Variants in LRRC7 observed in about 807,000 individuals in gnomAD.
LRRC7 encodes leucine-rich repeat-containing protein 7.
A neutral mutation model predicts 175.7 loss-of-function variants in LRRC7; 23 were observed. The observed-to-expected ratio is 0.13, with a 90% CI of 0.09 to 0.19. The LOEUF (loss-of-function observed/expected upper bound fraction) is 0.19, where lower values mean the gene tolerates loss of function less well. Ranked by LOEUF, LRRC7 falls within the 10% of genes least tolerant of loss-of-function variation. LRRC7 has a pLI of 1.00. For synonymous variants in LRRC7, 685 were observed against 680.9 expected, an observed-to-expected ratio of 1.01 and a Z score of -0.09; for missense variants, 1,354 against 1,904.7, an observed-to-expected ratio of 0.71 and a Z score of 5.38.
intron 13 of LRRC7, among the ~76,000 whole-genome samples, chr1:70,014,689 T>G (rs1401431677): frequency 1.3e-5 from 2 of 152,050 alleles, no homozygotes; most frequent in Admixed American, 1.3e-4. Context: ...AAGTAATGAT[T>G]ATTATAATTT....
chr1:69,897,908 C>T (rs1646025240), intron 7 of LRRC7, among the ~76,000 whole-genome samples: 1 of 152,164 alleles, frequency 6.6e-6, no homozygotes, highest in African/African-American at 2.4e-5. Context: ...TTCTATATTA[C>T]TTGCATTTTG....
chr1:70,114,818 A>G (rs183554826), intron 26 of LRRC7, among the ~76,000 whole-genome samples: 218 of 152,352 alleles, frequency 1.4e-3, no homozygotes, highest in Non-Finnish European at 2.3e-3. Flanking sequence ...ATGCTTTTTG[A>G]AAATCAAAAA....
chr1:70,031,823 G>A (rs1658761595), intron 18 of LRRC7, among the ~76,000 whole-genome samples: 2 of 149,302 alleles, frequency 1.3e-5, no homozygotes, highest in African/African-American at 5.0e-5. Flanking sequence ...CTTTTGAGAC[G>A]GAGTCTCGCT....
At position 69,633,727 on chromosome 1, in the gene LRRC7, C is replaced by A. The variant is rs540579166; in HGVS notation, c.3-44654C>A. Among the ~76,000 whole-genome samples the A allele has an allele frequency of 5.0e-3, 763 of 152,206 alleles. 10 individuals carry two copies. Among genetic ancestry groups the A allele is most frequent in the African/African-American group, 0.017 (705 of 41,544 alleles). On this transcript the variant is annotated intron_variant, in intron 1 of 26. Transcript: ENST00000651989. ...TACAGGCATGAGCCACCGTGCCCAG[C>A]CAAACATACTTTTAAAAGGTTATAT...
chr1:70,007,395 A>C (rs528821534), intron 11 of LRRC7, among the ~76,000 whole-genome samples: 1 of 152,362 alleles, frequency 6.6e-6, no homozygotes, highest in East Asian at 1.9e-4. Context: ...AACAGTCTTA[A>C]TAATCAATGG....
At chr1:69,871,189 A>G (rs1212459341) in intron 7 of LRRC7, among the ~76,000 whole-genome samples, 1 of 152,104 alleles carries the variant, frequency 6.6e-6, no homozygotes, top group Non-Finnish European at 1.5e-5. Flanking sequence ...AAAATGATGT[A>G]TACGTATGCC....
At chr1:69,575,178 G>A (rs967782805) in intron 1 of LRRC7, among the ~76,000 whole-genome samples, 16 of 152,166 alleles carry the variant, frequency 1.1e-4, no homozygotes, top group East Asian at 9.7e-4. Context: ...CTTGCTGAGG[G>A]TCATCCAACT....
chr1:70,142,753 T>TAAG lies in LRRC7; in HGVS notation c.*20869_*20871dup, dbSNP rs1553210482. 5 of 152,242 alleles carry TAAG rather than the reference T, an allele frequency of 3.3e-5. No individual in the cohort carries two copies. The highest frequency in any genetic ancestry group is 4.8e-5 in the African/African-American group (2 of 41,590). 9.4% of individuals were successfully genotyped at this position (152,242 alleles called of 1,614,324 possible). On this transcript the variant is annotated 3_prime_UTR_variant, in exon 27 of 27. Coordinates refer to ENST00000651989, the MANE Select transcript of LRRC7 (RefSeq NM_001370785.2). ...AAGGGCTCCCCCAACCAGCTATATA[T>TAAG]AAGAAAACCATAACATGAACTAGGG...
At chr1:70,066,154 T>G (rs1044042665) in intron 23 of LRRC7, among the ~76,000 whole-genome samples, 1 of 151,974 alleles carries the variant, frequency 6.6e-6, no homozygotes, top group African/African-American at 2.4e-5. Context: ...AGATAGGAAC[T>G]TTTGTTCTCA....
At chr1:69,701,358 C>T (rs1663329102) in intron 2 of LRRC7, among the ~76,000 whole-genome samples, 1 of 152,230 alleles carries the variant, frequency 6.6e-6, no homozygotes, top group East Asian at 1.9e-4. Flanking sequence ...ACCCTTAGGT[C>T]GGTGGAAACA....
chr1:70,097,707 C>T (rs895013690), intron 25 of LRRC7, among the ~76,000 whole-genome samples: 46 of 150,578 alleles, frequency 3.1e-4, no homozygotes, highest in Middle Eastern at 3.4e-3. Context: ...TGAGAATATG[C>T]GGTGTTTGGT....
intron 2 of LRRC7, among the ~76,000 whole-genome samples, chr1:69,711,392 C>G (rs1472773487): frequency 1.3e-5 from 2 of 152,150 alleles, no homozygotes; most frequent in Non-Finnish European, 2.9e-5. Flanking sequence ...TCACAAAACA[C>G]TAGAGAACAT....
intron 7 of LRRC7, among the ~76,000 whole-genome samples, chr1:69,870,830 T>A (rs951421315): frequency 2.6e-5 from 4 of 152,156 alleles, no homozygotes; most frequent in Non-Finnish European, 5.9e-5. Flanking sequence ...ATGCTTCCAT[T>A]TTTTATTAAG....
chr1:69,638,644 G>A (rs1653750315), intron 1 of LRRC7, among the ~76,000 whole-genome samples: 1 of 151,608 alleles, frequency 6.6e-6, no homozygotes, highest in Non-Finnish European at 1.5e-5. Flanking sequence ...CCAGATATGG[G>A]TACATTAAAT....
rs1177894964 is a variant in LRRC7, at chr1:70,139,206, G to A, written c.*17319G>A. 6.6e-6 allele frequency: 1 copy of A among 152,120 alleles called. No individual in the cohort carries two copies. The highest frequency in any genetic ancestry group is 2.4e-5 in the African/African-American group (1 of 41,428). The allele number at this position is 152,120 out of a possible 1,614,324, so 9.4% of individuals were successfully genotyped here. A position where few individuals can be genotyped will look rare whatever the true frequency, so the allele number is the denominator to read the frequency against. ...CTGCATGTACTATCAAACAGCAAGT[G>A]ATAGAACATTCAGGCGTTTTATTGG... On this transcript the variant is annotated 3_prime_UTR_variant, in exon 27 of 27. Transcript: ENST00000651989.
At chr1:69,634,850 C>G (rs17131004) in intron 1 of LRRC7, among the ~76,000 whole-genome samples, 40,555 of 151,892 alleles carry the variant, frequency 0.27, 5,770 homozygotes, top group East Asian at 0.36. Flanking sequence ...GGGCCGCAGA[C>G]TGAAGCACAC....
Position 69,865,469 on chromosome 1 carries a change from CTT to C in LRRC7, c.647+27210_647+27211del, listed in dbSNP as rs532063540. On this transcript the variant is annotated intron_variant, in intron 7 of 26. Coordinates refer to ENST00000651989, the MANE Select transcript of LRRC7 (RefSeq NM_001370785.2). ...ATAAGCAAGCTGCTGAAGACAGTTC[CTT>C]TTTTTTTTTTTTTTTTTTTTTTTGA... Among the ~76,000 whole-genome samples the C allele has an allele frequency of 5.0e-3, 258 of 51,242 alleles. 5 individuals carry two copies. Among genetic ancestry groups the C allele is most frequent in the South Asian group, 0.029 (32 of 1,086 alleles). The allele number at this position is 51,242 out of a possible 152,430, so 33.6% of individuals were successfully genotyped here.
chr1:69,918,414 G>A (rs1646783372), intron 7 of LRRC7, among the ~76,000 whole-genome samples: 1 of 152,124 alleles, frequency 6.6e-6, no homozygotes. Context: ...ATTTTTCTGA[G>A]AAAATCTTAC....
At chr1:69,724,581 A>G (rs1340757) in intron 2 of LRRC7, among the ~76,000 whole-genome samples, 43,317 of 152,074 alleles carry the variant, frequency 0.28, 7,032 homozygotes, top group South Asian at 0.42. Context: ...GAAGAATAAA[A>G]TATGATAAAT....
Sources: gnomAD v4.1 joint callset for allele counts (sites outside exome capture counted in the v4.1 genomes callset) on GRCh38, gnomAD v4.1.1 for gene constraint, MANE v1.5 for transcripts, NCBI Gene and HGNC (gene_info 2026-07-23, HGNC 2026-07-21) for gene names.